PHC1: variants seen among roughly 807,000 people sequenced by gnomAD.
PHC1 encodes the protein polyhomeotic-like protein 1.
PHC1 carries 12 observed loss-of-function variants against 104.3 expected under a neutral mutation model. The ratio of observed to expected loss-of-function variants is 0.12; its 90% CI spans 0.07 to 0.19. The LOEUF is 0.19. Ranked by LOEUF, PHC1 falls within the 10% of genes least tolerant of loss-of-function variation. The pLI, the probability that PHC1 is intolerant of heterozygous loss-of-function variation, is 1.00. For missense variants in PHC1, 671 were observed against 1,200.0 expected (o/e 0.56, Z 6.51); for synonymous variants, 302 against 455.8 (o/e 0.66, Z 4.30).
chr12:8,939,180 C>T (rs749399136), intron 14 of PHC1, 125 bp from the exon 15 acceptor site: 144 of 1,203,630 alleles, frequency 1.2e-4, no homozygotes, highest in Admixed American at 4.5e-4. Flanking sequence ...AGCTTGCCAT[C>T]TGACTTCATA....
chr12:8,937,755 G>A lies in PHC1; in HGVS notation c.2629-74G>A, dbSNP rs891586440. ...GAGTTTTTCTTCTACGCCCAACCCA[G>A]GGTGGTTTGGGAAGAAAGAGAGAGG... On this transcript the variant is annotated intron_variant, in intron 13 of 14. Transcript: ENST00000544916. 4 of 1,153,618 alleles carry A rather than the reference G, an allele frequency of 3.5e-6. No homozygotes were observed. In the African/African-American group the frequency reaches 6.1e-5, roughly 17 times the overall value. The allele number at this position is 1,153,618 out of a possible 1,614,324, so 71.5% of individuals were successfully genotyped here.
chr12:8,923,249 T>C lies in PHC1; in HGVS notation c.612+461T>C, dbSNP rs1945416376. Reference sequence around the variant, plus strand: ...TTCTCAACTTTCAGTCTTCTCTTCCTGTTCACTGTTTTTTCCCAGTAAAGG... The same window carrying C: ...TTCTCAACTTTCAGTCTTCTCTTCCCGTTCACTGTTTTTTCCCAGTAAAGG... On this transcript the variant is annotated intron_variant, in intron 6 of 14. Transcript: ENST00000544916. Among the ~76,000 whole-genome samples the C allele has an allele frequency of 2.0e-5, 3 of 152,366 alleles. No individual in the cohort carries two copies. In the South Asian group the frequency reaches 6.2e-4, roughly 32 times the overall value.
chr12:8,935,050 G>C, intron 10 of PHC1, 74 bp from the exon 11 acceptor site: 1 of 722,520 alleles, frequency 1.4e-6, no homozygotes, highest in Non-Finnish European at 2.4e-6. Flanking sequence ...TAATTGATGG[G>C]GAAATGTTGG....
At chr12:8,935,078 C>G in intron 10 of PHC1, 46 bp from the exon 11 acceptor site, 1 of 951,532 alleles carries the variant, frequency 1.1e-6, no homozygotes, top group Non-Finnish European at 1.6e-6. Flanking sequence ...TATAGAGAAG[C>G]AGAAGGGGAT....
intron 1 of PHC1, among the ~76,000 whole-genome samples, chr12:8,916,662 T>G (rs769203136): frequency 6.6e-6 from 1 of 152,240 alleles, no homozygotes; most frequent in African/African-American, 2.4e-5. Flanking sequence ...GTGGGTAAAT[T>G]CTGACATGTT....
rs1008816170 is a variant in PHC1 at position 8,934,095 on chromosome 12, A to C, written c.2041+83A>C. ...GTGAGCTAAAAGATAAAACTGGTTGAGTAGAAAATGGGCCAGAAGTTGGTG... is the reference window on the plus strand; with the variant it reads ...GTGAGCTAAAAGATAAAACTGGTTGCGTAGAAAATGGGCCAGAAGTTGGTG... On this transcript the variant is annotated intron_variant, in intron 9 of 14. Transcript: ENST00000544916. 2.7e-6 allele frequency: 4 copies of C among 1,501,472 alleles called. No individual in the cohort carries two copies. The African/African-American group carries it at 5.5e-5, about 21-fold the overall frequency. The allele number at this position is 1,501,472 out of a possible 1,614,324, so 93.0% of individuals were successfully genotyped here. A position where few individuals can be genotyped will look rare whatever the true frequency, so the allele number is the denominator to read the frequency against.
At position 8,919,631 on chromosome 12, in the gene PHC1, C is replaced by G. The variant is rs755387260; in HGVS notation, c.115-125C>G. The G allele has an allele frequency of 1.1e-6, 1 of 939,224 alleles. No homozygotes were observed. The highest frequency in any genetic ancestry group is 2.7e-5 in the East Asian group (1 of 37,524). The allele number at this position is 939,224 out of a possible 1,614,324, so 58.2% of individuals were successfully genotyped here. A position where few individuals can be genotyped will look rare whatever the true frequency, so the allele number is the denominator to read the frequency against. ...GGAAAATCAGCCGTTGACGATTTAGCCCAAACTCCCATCTCCTCTGGTTTC... is the reference window on the plus strand; with the variant it reads ...GGAAAATCAGCCGTTGACGATTTAGGCCAAACTCCCATCTCCTCTGGTTTC... On this transcript the variant is annotated intron_variant, in intron 2 of 14. Coordinates refer to ENST00000544916, the MANE Select transcript of PHC1 (RefSeq NM_004426.3). This position sits in a 1 kb window ranked among gnomAD's most constrained non-coding sequence, Gnocchi z 4.9.
rs755642863 is a variant in PHC1 at position 8,936,949 on chromosome 12, T to A, written c.2462T>A (p.Met821Lys). ...QFRGSKRFCS[M>K]TCAKRYNVSC... ...CGTGGCTCTAAGAGGTTCTGCTCCA[T>A]GACTTGCGCTAAGAGGTACTCTGGG... Residue 821 changes from methionine (M) to lysine (K), a missense_variant, in exon 12 of 15, where the codon ATG (methionine) becomes AAG (lysine). Transcript: ENST00000544916. 1.9e-6 allele frequency: 3 copies of A among 1,609,964 alleles called. No homozygotes were observed. The highest frequency in any genetic ancestry group is 1.7e-6 in the Non-Finnish European group (2 of 1,176,410).
intron 1 of PHC1, among the ~76,000 whole-genome samples, chr12:8,917,050 C>T (rs1039144340): frequency 6.6e-6 from 1 of 152,170 alleles, no homozygotes; most frequent in Non-Finnish European, 1.5e-5. Context: ...TGTGTTAGTC[C>T]AAAGACTTGA....
chr12:8,922,109 C>T (rs1323925179), intron 5 of PHC1, among the ~76,000 whole-genome samples: 4 of 152,204 alleles, frequency 2.6e-5, no homozygotes, highest in East Asian at 1.9e-4. Flanking sequence ...CCACCGCGCC[C>T]GGCCAAAAGC....
chr12:8,919,921 G>C lies in PHC1; in HGVS notation c.225+55G>C. 1 of 1,571,212 alleles carries C rather than the reference G, an allele frequency of 6.4e-7. No individual in the cohort carries two copies. Among genetic ancestry groups the C allele is most frequent in the East Asian group, 2.3e-5 (1 of 43,242 alleles). The stretch of plus-strand genomic sequence containing the variant: ...AGGGAGGGGACAGGCACTACAGGTG[G>C]GTAGGGGAGATTTTTTGGGCATATA... On this transcript the variant is annotated intron_variant, in intron 3 of 14. Transcript: ENST00000544916. This position sits in a 1 kb window ranked among gnomAD's most constrained non-coding sequence, Gnocchi z 4.9.
chr12:8,920,910 G>C (rs1298739808), intron 3 of PHC1, 75 bp from the exon 4 acceptor site: 1 of 976,196 alleles, frequency 1.0e-6, no homozygotes, highest in Non-Finnish European at 1.6e-6. Flanking sequence ...TTGTGCTTGT[G>C]ATTTATTACT....
rs1185088952 is a variant in PHC1, at chr12:8,933,334, A to G, written c.1877A>G (p.Gln626Arg). Residue 626 changes from glutamine to arginine, a missense_variant, in exon 8 of 15, where the codon CAG becomes CGG. Physicochemically the swap from Gln to Arg is conservative, Grantham distance 43. Around this residue, in one of 9 missense-constraint regions of PHC1, gnomAD observed 95 missense variants for 108.8 expected, o/e 0.87. Coordinates refer to ENST00000544916, the MANE Select transcript of PHC1 (RefSeq NM_004426.3). ...VAQVPAAFYMQSVHLPGKPQT... is the reference protein window; with the variant it reads ...VAQVPAAFYMRSVHLPGKPQT... ...CAGGTCCCTGCTGCCTTCTATATGC[A>G]GTCTGTGCACTTGCCGGTGAGTGAT... is the stretch of plus-strand genomic sequence containing the variant. 6.5e-7 allele frequency: 1 copy of G among 1,548,100 alleles called. No homozygotes were observed. The highest frequency in any genetic ancestry group is 1.8e-5 in the Admixed American group (1 of 54,194).
intron 1 of PHC1, among the ~76,000 whole-genome samples, chr12:8,916,770 C>G (rs1411478924): frequency 6.6e-6 from 1 of 152,066 alleles, no homozygotes; most frequent in Admixed American, 6.6e-5. Flanking sequence ...TGATATATTA[C>G]ATTCAGTATG....
At chr12:8,917,908 T>A in intron 2 of PHC1, 117 bp downstream of exon 2, 1 of 627,728 alleles carries the variant, frequency 1.6e-6, no homozygotes, top group East Asian at 3.4e-5. Flanking sequence ...TTGGGTTAGA[T>A]GATGACTAAG....
intron 6 of PHC1, among the ~76,000 whole-genome samples, chr12:8,925,867 C>T (rs780138384): frequency 2.6e-5 from 4 of 152,060 alleles, no homozygotes; most frequent in African/African-American, 4.8e-5. Flanking sequence ...GGAGACTAAA[C>T]GGATATGGTG....
chr12:8,915,789 C>T (rs1251241260), intron 1 of PHC1: 1 of 152,444 alleles, frequency 6.6e-6, no homozygotes, highest in Non-Finnish European at 1.5e-5. Flanking sequence ...GGCAGTTTCC[C>T]TTGATTTTAT....
At chr12:8,935,299 C>T in intron 11 of PHC1, 61 bp downstream of exon 11, 24 of 889,138 alleles carry the variant, frequency 2.7e-5, no homozygotes, top group Non-Finnish European at 4.1e-5. Flanking sequence ...TGTTTGAGGA[C>T]TCGGTGTAAA....
chr12:8,931,379 A>G (rs1945679511), intron 7 of PHC1, among the ~76,000 whole-genome samples: 1 of 152,224 alleles, frequency 6.6e-6, no homozygotes, highest in Non-Finnish European at 1.5e-5. Flanking sequence ...TGTATAGCAG[A>G]TACAGTACAA....
Sources: allele counts gnomAD v4.1 joint callset (sites outside exome capture counted in the v4.1 genomes callset), GRCh38; gene constraint gnomAD v4.1.1; regional missense constraint gnomAD v4.1.1; non-coding constraint Gnocchi (gnomAD v3.1); transcripts MANE v1.5; gene names NCBI Gene and HGNC (gene_info 2026-07-23, HGNC 2026-07-21).